Variants in SMYD3 observed in about 807,000 individuals in gnomAD.
The protein encoded by SMYD3 is SET and MYND domain containing 3.
SMYD3 carries 36 observed loss-of-function variants against 57.7 expected under a neutral mutation model. The observed-to-expected ratio is 0.62, with a 90% CI of 0.48 to 0.82. SMYD3 has a LOEUF of 0.82. Among genes scored for constraint, SMYD3 ranks in the 40% least tolerant of loss-of-function variants. The pLI, the probability that SMYD3 is intolerant of heterozygous loss-of-function variation, is 0.00. For missense variants in SMYD3, 515 were observed against 538.8 expected (o/e 0.96, Z 0.44); for synonymous variants, 211 against 195.0 (o/e 1.08, Z -0.68).
intron 5 of SMYD3, among the ~76,000 whole-genome samples, chr1:246,081,393 T>C (rs1372686595): frequency 6.6e-6 from 1 of 151,544 alleles, no homozygotes; most frequent in Admixed American, 6.6e-5. Context: ...TTCTAGTTTT[T>C]CTTTTTTTCT....
At chr1:245,956,545 T>C (rs2057849041) in intron 5 of SMYD3, among the ~76,000 whole-genome samples, 1 of 152,216 alleles carries the variant, frequency 6.6e-6, no homozygotes, top group African/African-American at 2.4e-5. Flanking sequence ...CTGCTTACTT[T>C]TGAGTCCTAC....
At chr1:246,051,479 T>C (rs2060066437) in intron 5 of SMYD3, among the ~76,000 whole-genome samples, 3 of 152,138 alleles carry the variant, frequency 2.0e-5, no homozygotes, top group South Asian at 2.1e-4. Context: ...TTGGTCCTCA[T>C]ATCTAAAACA....
At chr1:246,444,312 G>C (rs1400217448) in intron 1 of SMYD3, among the ~76,000 whole-genome samples, 1 of 152,002 alleles carries the variant, frequency 6.6e-6, no homozygotes, top group South Asian at 2.1e-4. Context: ...TTTTGGTAGA[G>C]ACGGGGTTTC....
intron 5 of SMYD3, among the ~76,000 whole-genome samples, chr1:246,197,292 C>T (rs189954527): frequency 5.8e-4 from 89 of 152,180 alleles, no homozygotes; most frequent in Middle Eastern, 3.4e-3. Context: ...GTCCCTGTGA[C>T]GAGGACAGTG....
intron 5 of SMYD3, among the ~76,000 whole-genome samples, chr1:245,955,355 G>A (rs998503084): frequency 3.3e-5 from 5 of 152,178 alleles, no homozygotes; most frequent in South Asian, 2.1e-4. Context: ...TGGGATTACC[G>A]GCATGAGCCA....
intron 8 of SMYD3, among the ~76,000 whole-genome samples, chr1:245,884,792 C>CCAATCAACACTCTGTAAAAT (rs59971082): frequency 6.8e-6 from 1 of 147,160 alleles, no homozygotes; most frequent in Non-Finnish European, 1.5e-5. Flanking sequence ...GGATTGTAAA[C>CCAATCAACACTCTGTAAAAT]GGACCAATCA....
At chr1:245,990,904 C>T (rs956730091) in intron 5 of SMYD3, among the ~76,000 whole-genome samples, 5 of 152,092 alleles carry the variant, frequency 3.3e-5, no homozygotes, top group African/African-American at 1.2e-4. Context: ...TACCAGTGAC[C>T]ACTAACTGGC....
At chr1:246,103,656 C>T (rs1203107152) in intron 5 of SMYD3, among the ~76,000 whole-genome samples, 3 of 152,150 alleles carry the variant, frequency 2.0e-5, no homozygotes, top group Non-Finnish European at 4.4e-5. Context: ...CTTTCATAAC[C>T]CACTCTTTAT....
chr1:245,853,290 C>CTGGG (rs2051068487), intron 10 of SMYD3, among the ~76,000 whole-genome samples: 1 of 152,188 alleles, frequency 6.6e-6, no homozygotes, highest in Non-Finnish European at 1.5e-5. Flanking sequence ...CCAGCCTGCC[C>CTGGG]TCTAGGAATG....
At chr1:246,186,307 A>G (rs2062639378) in intron 5 of SMYD3, among the ~76,000 whole-genome samples, 2 of 152,216 alleles carry the variant, frequency 1.3e-5, no homozygotes, top group South Asian at 2.1e-4. Context: ...AAACTAGTCA[A>G]TATGCATAGG....
intron 5 of SMYD3, among the ~76,000 whole-genome samples, chr1:246,171,066 A>G (rs2062322188): frequency 6.6e-6 from 1 of 151,940 alleles, no homozygotes; most frequent in South Asian, 2.1e-4. Flanking sequence ...CTTTCAGTAC[A>G]TGTTATGGTT....
chr1:245,820,368 A>G (rs2049094960), intron 10 of SMYD3, among the ~76,000 whole-genome samples: 1 of 148,642 alleles, frequency 6.7e-6, no homozygotes, highest in East Asian at 2.0e-4. Context: ...AAAACTCTCA[A>G]TAAATTAGGT....
At chr1:245,939,655 C>A (rs2057142473) in intron 5 of SMYD3, among the ~76,000 whole-genome samples, 1 of 152,048 alleles carries the variant, frequency 6.6e-6, no homozygotes. Context: ...AATAGCCAAA[C>A]CCTGGCCTAG....
intron 5 of SMYD3, among the ~76,000 whole-genome samples, chr1:246,092,975 T>C (rs1465883140): frequency 6.6e-6 from 1 of 152,192 alleles, no homozygotes; most frequent in South Asian, 2.1e-4. Context: ...AATAGACATT[T>C]TTCAGAAGAC....
intron 1 of SMYD3, among the ~76,000 whole-genome samples, chr1:246,463,196 G>A (rs183953071): frequency 2.8e-4 from 43 of 152,244 alleles, no homozygotes; most frequent in Non-Finnish European, 5.4e-4. Flanking sequence ...ACCAGGTGAC[G>A]AATCAGGAGA....
chr1:245,967,844 T>C (rs1390319165), intron 5 of SMYD3, among the ~76,000 whole-genome samples: 1 of 152,230 alleles, frequency 6.6e-6, no homozygotes, highest in Admixed American at 6.5e-5. Flanking sequence ...TTCAGTGGAA[T>C]AATTTAAGGC....
chr1:245,842,151 A>G (rs1310870500), intron 10 of SMYD3, among the ~76,000 whole-genome samples: 1 of 152,196 alleles, frequency 6.6e-6, no homozygotes, highest in African/African-American at 2.4e-5. Context: ...TGACAACAAA[A>G]TCATCTAATG....
At chr1:246,275,254 GATAC>G (rs1370549490) in intron 5 of SMYD3, among the ~76,000 whole-genome samples, 4 of 152,188 alleles carry the variant, frequency 2.6e-5, no homozygotes, top group African/African-American at 9.7e-5. Context: ...GACAAGACAT[GATAC>G]ATACAAGAAC....
intron 5 of SMYD3, among the ~76,000 whole-genome samples, chr1:246,204,340 C>G (rs2062964852): frequency 6.6e-6 from 1 of 152,154 alleles, no homozygotes; most frequent in South Asian, 2.1e-4. Flanking sequence ...ACTTAAACAG[C>G]TAATGCTGAA....
Sources: allele counts gnomAD v4.1 joint callset (sites outside exome capture counted in the v4.1 genomes callset), GRCh38; gene constraint gnomAD v4.1.1; transcripts MANE v1.5; gene names NCBI Gene and HGNC (gene_info 2026-07-23, HGNC 2026-07-21).